SYT9: variants seen among roughly 807,000 people sequenced by gnomAD.
The protein encoded by SYT9 is synaptotagmin 9.
In SYT9, 22 loss-of-function variants were observed where a neutral mutation model predicts 48.4. The observed-to-expected ratio is 0.45, with a 90% CI of 0.32 to 0.65. The LOEUF is 0.65. Ranked by LOEUF, SYT9 falls within the 30% of genes least tolerant of loss-of-function variation. The pLI is 0.03. For synonymous variants in SYT9, 265 were observed against 245.0 expected (o/e 1.08, Z -0.76); for missense variants, 577 against 622.0 (o/e 0.93, Z 0.77).
At chr11:7,245,400 G>A (rs964120242) in intron 1 of SYT9, among the ~76,000 whole-genome samples, 12 of 151,748 alleles carry the variant, frequency 7.9e-5, no homozygotes, top group African/African-American at 1.2e-4. Context: ...TTTTCCAAAG[G>A]CCTTTTTCTT....
At chr11:7,241,039 G>T (rs1847734458) in intron 1 of SYT9, among the ~76,000 whole-genome samples, 1 of 152,040 alleles carries the variant, frequency 6.6e-6, no homozygotes, top group Non-Finnish European at 1.5e-5. Flanking sequence ...AGTCTTCTAT[G>T]GGGAATAAAA....
Position 7,466,595 on chromosome 11 carries a change from C to T in SYT9, c.1468-197C>T, listed in dbSNP as rs1347010456. Reference sequence around the variant, plus strand: ...AATTAGCCAGGTGTGGCGGCGGGCACCTGTAATCCCAGCTACTTGGGAGGC... The same window carrying T: ...AATTAGCCAGGTGTGGCGGCGGGCATCTGTAATCCCAGCTACTTGGGAGGC... On this transcript the variant is annotated intron_variant, in intron 6 of 6. Transcript: ENST00000318881. 1.3e-5 allele frequency among the ~76,000 whole-genome samples: 2 copies of T among 151,852 alleles called. 1 individual carries two copies. The highest frequency in any genetic ancestry group is 4.8e-5 in the African/African-American group (2 of 41,308).
intron 3 of SYT9, among the ~76,000 whole-genome samples, chr11:7,361,686 T>C (rs554375034): frequency 2.0e-5 from 3 of 152,238 alleles, no homozygotes; most frequent in Non-Finnish European, 2.9e-5. Context: ...ATATGCTGGT[T>C]CAGGGTCATT....
At chr11:7,298,762 A>G (rs567235740) in intron 1 of SYT9, among the ~76,000 whole-genome samples, 1 of 152,024 alleles carries the variant, frequency 6.6e-6, no homozygotes, top group Admixed American at 6.5e-5. Flanking sequence ...TGTGCTAGGG[A>G]TGTTGCTACA....
intron 6 of SYT9, among the ~76,000 whole-genome samples, chr11:7,433,494 G>A (rs918467292): frequency 1.4e-4 from 21 of 152,148 alleles, no homozygotes; most frequent in Admixed American, 5.9e-4. Context: ...CCACATCTGC[G>A]TGTGCTTTTT....
chr11:7,394,913 G>A (rs1306612491), intron 3 of SYT9, among the ~76,000 whole-genome samples: 1 of 151,978 alleles, frequency 6.6e-6, no homozygotes, highest in Non-Finnish European at 1.5e-5. Context: ...TCAAATTTCT[G>A]CCCTAATTTC....
intron 3 of SYT9, among the ~76,000 whole-genome samples, chr11:7,366,520 C>A (rs1383077701): frequency 6.6e-6 from 1 of 152,124 alleles, no homozygotes; most frequent in East Asian, 1.9e-4. Context: ...TTATAGACAT[C>A]CATATTAATT....
At chr11:7,385,397 C>T (rs1850639890) in intron 3 of SYT9, among the ~76,000 whole-genome samples, 1 of 151,688 alleles carries the variant, frequency 6.6e-6, no homozygotes, top group South Asian at 2.1e-4. Flanking sequence ...GCTAATTCAT[C>T]CCAAACTCTG....
intron 3 of SYT9, among the ~76,000 whole-genome samples, chr11:7,340,210 G>A (rs1849690536): frequency 6.6e-6 from 1 of 152,068 alleles, no homozygotes; most frequent in African/African-American, 2.4e-5. Flanking sequence ...GCTCTATCAG[G>A]TCAGTTAGGT....
chr11:7,321,555 C>T (rs1322059389), intron 3 of SYT9, among the ~76,000 whole-genome samples: 1 of 152,176 alleles, frequency 6.6e-6, no homozygotes, highest in African/African-American at 2.4e-5. Context: ...AAAACTGGGG[C>T]TTAGCCCAGG....
At chr11:7,349,730 A>G (rs1361718525) in intron 3 of SYT9, among the ~76,000 whole-genome samples, 1 of 152,234 alleles carries the variant, frequency 6.6e-6, no homozygotes, top group East Asian at 1.9e-4. Context: ...TATTATGCCC[A>G]TATGACAGAA....
intron 6 of SYT9, chr11:7,454,184 C>T: frequency 1.0e-6 from 1 of 985,392 alleles, no homozygotes; most frequent in Non-Finnish European, 1.2e-6. Flanking sequence ...CTCCCAGAAT[C>T]ACCCTTCATT....
At chr11:7,288,838 G>T (rs1406890515) in intron 1 of SYT9, among the ~76,000 whole-genome samples, 2 of 152,158 alleles carry the variant, frequency 1.3e-5, no homozygotes, top group Non-Finnish European at 2.9e-5. Context: ...TGAGAACCCT[G>T]CTCTCTCTAT....
chr11:7,462,482 T>TA lies in SYT9; in HGVS notation c.1468-4300dup, dbSNP rs536297275. ...TTGTTCTTAAAGCCGAGAGAGGAAG[T>TA]AAAAAAAAAATAGAATGTCCTCTTT... On this transcript the variant is annotated intron_variant, in intron 6 of 6. Coordinates refer to ENST00000318881, the MANE Select transcript of SYT9 (RefSeq NM_175733.4). Among the ~76,000 whole-genome samples the TA allele has an allele frequency of 1.3e-3, 195 of 149,430 alleles. 1 individual carries two copies. Among genetic ancestry groups the TA allele is most frequent in the Middle Eastern group, 6.9e-3 (2 of 290 alleles).
intron 1 of SYT9, among the ~76,000 whole-genome samples, chr11:7,267,084 G>A (rs1848197632): frequency 6.6e-6 from 1 of 151,748 alleles, no homozygotes; most frequent in Non-Finnish European, 1.5e-5. Context: ...ACTTATTTTA[G>A]GTTCATAAAT....
intron 1 of SYT9, among the ~76,000 whole-genome samples, chr11:7,245,335 G>T (rs1847779805): frequency 1.3e-5 from 2 of 152,044 alleles, no homozygotes; most frequent in Admixed American, 1.3e-4. Flanking sequence ...ATAATGATTA[G>T]TTATAATCAT....
intron 4 of SYT9, among the ~76,000 whole-genome samples, 163 bp from the exon 5 acceptor site, chr11:7,417,794 G>T (rs111730202): frequency 2.6e-5 from 4 of 152,130 alleles, no homozygotes; most frequent in African/African-American, 9.7e-5. Flanking sequence ...ATCCTAACTA[G>T]TTGCTCCCCA....
intron 3 of SYT9, among the ~76,000 whole-genome samples, chr11:7,394,587 C>A (rs894019710): frequency 1.3e-5 from 2 of 152,120 alleles, no homozygotes; most frequent in African/African-American, 4.8e-5. Flanking sequence ...GTTAATCTAG[C>A]TAGTAGTCGA....
At chr11:7,328,972 T>C (rs1055202060) in intron 3 of SYT9, among the ~76,000 whole-genome samples, 1 of 152,212 alleles carries the variant, frequency 6.6e-6, no homozygotes, top group Non-Finnish European at 1.5e-5. Flanking sequence ...CTTTTCTCTG[T>C]GCCATACTTC....
Sources: gnomAD v4.1 joint callset for allele counts (sites outside exome capture counted in the v4.1 genomes callset) on GRCh38, gnomAD v4.1.1 for gene constraint, MANE v1.5 for transcripts, NCBI Gene and HGNC (gene_info 2026-07-23, HGNC 2026-07-21) for gene names.